MCHR2: variants seen among roughly 807,000 people sequenced by gnomAD.
The protein encoded by MCHR2 is melanin-concentrating hormone receptor 2.
A neutral mutation model predicts 24.8 loss-of-function variants in MCHR2; 15 were observed. The ratio of observed to expected loss-of-function variants is 0.60; its 90% CI spans 0.40 to 0.93. The LOEUF is 0.93. Among genes scored for constraint, MCHR2 ranks in the 40% least tolerant of loss-of-function variants. The probability of loss-of-function intolerance (pLI) is 0.00; values close to 1 mark genes in which losing one functional copy is unlikely to be tolerated. For missense variants in MCHR2, 386 were observed against 408.7 expected, an observed-to-expected ratio of 0.94 and a Z score of 0.48; for synonymous variants, 151 against 147.6, an observed-to-expected ratio of 1.02 and a Z score of -0.17.
chr6:99,921,108 A>G lies in MCHR2; in HGVS notation c.855T>C (p.Tyr285=), dbSNP rs374378949. The change falls in exon 6 of 6, where the codon TAT becomes TAC. Residue 285 remains tyrosine (Y), a synonymous_variant. Transcript: ENST00000281806. ...GACAGATGGAGAGGTAATAACCCAC[A>G]TAGAAGGCCAGTGTGGGCTGTTCCA... The part of the protein sequence containing the change: ...LQMEQPTLAF[Y]VGYYLSICLS... 7 of 1,614,214 alleles carry G rather than the reference A, an allele frequency of 4.3e-6. No homozygotes were observed. The African/African-American group carries it at 8.0e-5, about 18-fold the overall frequency.
intron 4 of MCHR2, among the ~76,000 whole-genome samples, chr6:99,939,547 G>T (rs1396543924): frequency 2.0e-5 from 3 of 151,980 alleles, no homozygotes; most frequent in African/African-American, 7.2e-5. Context: ...GGTTGCTATA[G>T]CTGTTACCAT....
intron 1 of MCHR2, among the ~76,000 whole-genome samples, chr6:99,965,194 A>G (rs1775272924): frequency 1.3e-5 from 2 of 152,166 alleles, no homozygotes; most frequent in African/African-American, 4.8e-5. Context: ...ACATCTGACC[A>G]TATGGTTTCA....
At chr6:99,929,471 C>CT (rs1261233835) in intron 5 of MCHR2, among the ~76,000 whole-genome samples, 1 of 152,244 alleles carries the variant, frequency 6.6e-6, no homozygotes, top group East Asian at 1.9e-4. Flanking sequence ...GTGTGGGAGT[C>CT]TAAGTCTCTT....
chr6:99,959,085 G>T (rs1364618347), intron 1 of MCHR2, among the ~76,000 whole-genome samples: 3 of 152,016 alleles, frequency 2.0e-5, no homozygotes, highest in African/African-American at 7.2e-5. Flanking sequence ...CTTTTGGGGG[G>T]TTTCCAGAGG....
In MCHR2 at chr6:99,934,530, A is replaced by T; in HGVS notation, c.588-13T>A. On this transcript the variant is annotated splice_polypyrimidine_tract_variant and intron_variant, in intron 4 of 5. Transcript: ENST00000281806. ...ATAAAGTGTATACCTGTAAAATGAG[A>T]GAGAGAAGAGAGAGAGAGAAAGAAC... The T allele has an allele frequency of 1.3e-6, 2 of 1,549,232 alleles. No homozygotes were observed.
intron 2 of MCHR2, 65 bp from the exon 3 acceptor site, chr6:99,948,036 C>G (rs933693394): frequency 6.5e-6 from 9 of 1,374,342 alleles, no homozygotes; most frequent in Non-Finnish European, 8.0e-6. Flanking sequence ...ATATATGCTA[C>G]CTCATACAAA....
chr6:99,927,982 A>G (rs1358802398), intron 5 of MCHR2, among the ~76,000 whole-genome samples: 6 of 152,134 alleles, frequency 3.9e-5, no homozygotes, highest in African/African-American at 1.4e-4. Flanking sequence ...TTTGTCATAG[A>G]TAGCTCTTAT....
chr6:99,972,663 A>G (rs188960087), intron 1 of MCHR2, among the ~76,000 whole-genome samples: 2,894 of 151,966 alleles, frequency 0.019, 33 homozygotes, highest in Middle Eastern at 0.048. Flanking sequence ...TAGGGTGTCA[A>G]TTTTGGATCT....
At chr6:99,964,383 G>A (rs1775253234) in intron 1 of MCHR2, among the ~76,000 whole-genome samples, 1 of 152,112 alleles carries the variant, frequency 6.6e-6, no homozygotes. Flanking sequence ...ACAATGCTAT[G>A]AAGAAATGCC....
At chr6:99,942,721 G>A (rs982997425) in intron 4 of MCHR2, among the ~76,000 whole-genome samples, 1 of 152,062 alleles carries the variant, frequency 6.6e-6, no homozygotes, top group African/African-American at 2.4e-5. Flanking sequence ...AAATATATTT[G>A]TGTCCACTGA....
At chr6:99,936,040 G>A (rs188730429) in intron 4 of MCHR2, among the ~76,000 whole-genome samples, 1 of 151,816 alleles carries the variant, frequency 6.6e-6, no homozygotes, top group Admixed American at 6.6e-5. Context: ...TTTTACATTG[G>A]ATTATTTGGG....
rs144923272 is a variant in MCHR2 at position 99,945,757 on chromosome 6, C to T, written c.392+2005G>A. The stretch of plus-strand genomic sequence containing the variant: ...TTATAGGCTCTTCACTTGTTTCTTA[C>T]CACCTGATCTTCCAGAATGAGGGGA... On this transcript the variant is annotated intron_variant, in intron 3 of 5. Transcript: ENST00000281806. Among the ~76,000 whole-genome samples, 587 of 152,140 alleles carry T rather than the reference C, an allele frequency of 3.9e-3. 2 individuals carry two copies. Among genetic ancestry groups the T allele is most frequent in the Middle Eastern group, 0.01 (3 of 294 alleles).
intron 2 of MCHR2, among the ~76,000 whole-genome samples, chr6:99,955,524 T>C (rs1009530210): frequency 2.4e-4 from 37 of 152,154 alleles, no homozygotes; most frequent in African/African-American, 8.0e-4. Flanking sequence ...TTCACCTGCC[T>C]AAACAGGTCA....
intron 5 of MCHR2, among the ~76,000 whole-genome samples, chr6:99,930,494 G>A (rs1243534550): frequency 6.6e-6 from 1 of 151,664 alleles, no homozygotes; most frequent in Non-Finnish European, 1.5e-5. Context: ...CGTAGATTTG[G>A]TCTTTTCACA....
intron 4 of MCHR2, among the ~76,000 whole-genome samples, chr6:99,935,723 C>A (rs1348222678): frequency 1.3e-5 from 2 of 151,586 alleles, no homozygotes. Context: ...GGATATAAAC[C>A]CAGTAGTGGA....
intron 1 of MCHR2, among the ~76,000 whole-genome samples, chr6:99,967,549 G>A (rs1775316690): frequency 6.6e-6 from 1 of 152,090 alleles, no homozygotes; most frequent in Non-Finnish European, 1.5e-5. Flanking sequence ...TAGTCATGAT[G>A]ATGAGATTAA....
At chr6:99,931,725 C>A (rs1002923402) in intron 5 of MCHR2, among the ~76,000 whole-genome samples, 11 of 152,162 alleles carry the variant, frequency 7.2e-5, no homozygotes, top group Non-Finnish European at 1.2e-4. Flanking sequence ...ACCCGATTTT[C>A]CAGGTGCCGT....
chr6:99,935,546 G>GT (rs907429085), intron 4 of MCHR2, among the ~76,000 whole-genome samples: 2 of 151,768 alleles, frequency 1.3e-5, no homozygotes, highest in Non-Finnish European at 3.0e-5. Context: ...GGATTTTGTT[G>GT]TTTTTTATGG....
intron 1 of MCHR2, among the ~76,000 whole-genome samples, chr6:99,980,136 A>G (rs1476934864): frequency 2.6e-5 from 4 of 152,226 alleles, no homozygotes; most frequent in Non-Finnish European, 4.4e-5. Flanking sequence ...GTAATGAGAA[A>G]GTAAACATTC....
Sources: allele counts gnomAD v4.1 joint callset (sites outside exome capture counted in the v4.1 genomes callset), GRCh38; gene constraint gnomAD v4.1.1; transcripts MANE v1.5; gene names NCBI Gene and HGNC (gene_info 2026-07-23, HGNC 2026-07-21).